Variants in PHACTR2 observed in about 807,000 individuals in gnomAD.
The protein encoded by PHACTR2 is phosphatase and actin regulator 2.
PHACTR2 carries 30 observed loss-of-function variants against 76.0 expected under a neutral mutation model. The ratio of observed to expected loss-of-function variants is 0.39; its 90% CI spans 0.30 to 0.54. The LOEUF is 0.54. Ranked by LOEUF, PHACTR2 falls within the 20% of genes least tolerant of loss-of-function variation. The pLI is 0.61. For missense variants in PHACTR2, 696 were observed against 781.1 expected (o/e 0.89, Z 1.30); for synonymous variants, 292 against 292.5 (o/e 1.00, Z 0.02).
chr6:143,542,512 C>G (rs767705524), intron 1 of PHACTR2, among the ~76,000 whole-genome samples: 1 of 152,148 alleles, frequency 6.6e-6, no homozygotes, highest in Non-Finnish European at 1.5e-5. Flanking sequence ...CTTTCTCTAG[C>G]CCTTTCCTAG....
chr6:143,733,373 A>C lies in PHACTR2; in HGVS notation c.215-15612A>C, dbSNP rs1778748610. Among the ~76,000 whole-genome samples, 1 of 152,224 alleles carries C rather than the reference A, an allele frequency of 6.6e-6. No individual in the cohort carries two copies. The highest frequency in any genetic ancestry group is 1.5e-5 in the Non-Finnish European group (1 of 68,032). On this transcript the variant is annotated intron_variant, in intron 2 of 12. Coordinates refer to ENST00000440869, the MANE Select transcript of PHACTR2 (RefSeq NM_001100164.2). The surrounding 1 kb of genome is among the most constrained non-coding windows in gnomAD (Gnocchi z 4.0). ...TTGGTGAGATCTCAAAGAAACTTGT[A>C]TAGTGCCTGGCTTATGTTAAACATT...
At chr6:143,563,227 A>G (rs1250038681) in intron 1 of PHACTR2, among the ~76,000 whole-genome samples, 1 of 152,178 alleles carries the variant, frequency 6.6e-6, no homozygotes, top group African/African-American at 2.4e-5. Flanking sequence ...AGAGTAGTTC[A>G]AAAGTATGTA....
At chr6:143,603,752 G>C (rs1395237336), upstream of PHACTR2, among the ~76,000 whole-genome samples, 1 of 152,166 alleles carries the variant, frequency 6.6e-6, no homozygotes, top group Non-Finnish European at 1.5e-5. Context: ...CATTTTGCTT[G>C]TCAAAACTAT....
At chr6:143,594,295 C>A (rs1388362461) in intron 1 of PHACTR2, among the ~76,000 whole-genome samples, 1 of 152,164 alleles carries the variant, frequency 6.6e-6, no homozygotes, top group Non-Finnish European at 1.5e-5. Context: ...GACAGTCGAC[C>A]TGTACTATGA....
At chr6:143,790,568 C>T (rs777020958) in intron 11 of PHACTR2, among the ~76,000 whole-genome samples, 23 of 152,114 alleles carry the variant, frequency 1.5e-4, no homozygotes, top group Non-Finnish European at 3.2e-4. Context: ...ACCACTCCAC[C>T]GAAGTGCCTT....
rs1776079745 is a variant in PHACTR2, at chr6:143,806,999, C to T, written c.1846-58C>T. The T allele has an allele frequency of 2.3e-6, 2 of 877,788 alleles. No individual in the cohort carries two copies. The highest frequency in any genetic ancestry group is 3.7e-6 in the Non-Finnish European group (2 of 539,802). 54.4% of individuals were successfully genotyped at this position (877,788 alleles called of 1,614,324 possible). On this transcript the variant is annotated intron_variant, in intron 11 of 12. Transcript: ENST00000440869. This position sits in a 1 kb window ranked among gnomAD's most constrained non-coding sequence, Gnocchi z 5.8. ...GTCTGCTTCATTGATGCTGTATATA[C>T]TGGGGCAATATATGACCTAAATAAC...
chr6:143,674,920 C>T (rs1777214301), upstream of PHACTR2, among the ~76,000 whole-genome samples: 1 of 152,224 alleles, frequency 6.6e-6, no homozygotes, highest in South Asian at 2.1e-4. The surrounding 1 kb of genome is among the most constrained non-coding windows in gnomAD (Gnocchi z 4.9). Context: ...AACTTTCTCA[C>T]AAATGGTCCA....
At chr6:143,559,690 CTTTTTTTTTTTTTTTTTTTT>C (rs5880566) in intron 1 of PHACTR2, among the ~76,000 whole-genome samples, 5 of 31,904 alleles carry the variant, frequency 1.6e-4, no homozygotes, top group South Asian at 1.7e-3. Context: ...TTTTTCTTTT[CTTTTTTTTTTTTTTTTTTTT>C]TTTTTTTTTT....
Position 143,765,179 on chromosome 6 carries a change from T to G in PHACTR2, c.695-82T>G, listed in dbSNP as rs1562298102. ...ACTTTAAAGGGAACATTTTAAATGTTGTTGACAGTTACACCTTGGTTACTT... is the reference window on the plus strand; with the variant it reads ...ACTTTAAAGGGAACATTTTAAATGTGGTTGACAGTTACACCTTGGTTACTT... On this transcript the variant is annotated intron_variant, in intron 5 of 12. Coordinates refer to ENST00000440869, the MANE Select transcript of PHACTR2 (RefSeq NM_001100164.2). This position sits in a 1 kb window ranked among gnomAD's most constrained non-coding sequence, Gnocchi z 4.1. 9.6e-7 allele frequency: 1 copy of G among 1,043,420 alleles called. No individual in the cohort carries two copies. Among genetic ancestry groups the G allele is most frequent in the East Asian group, 2.4e-5 (1 of 41,966 alleles). 64.6% of individuals were successfully genotyped at this position (1,043,420 alleles called of 1,614,324 possible). A position where few individuals can be genotyped will look rare whatever the true frequency, so the allele number is the denominator to read the frequency against.
chr6:143,659,083 G>C lies in PHACTR2; in HGVS notation c.13+50761G>C, dbSNP rs1461955839. Among the ~76,000 whole-genome samples the C allele has an allele frequency of 6.6e-6, 1 of 151,978 alleles. No homozygotes were observed. Among genetic ancestry groups the C allele is most frequent in the East Asian group, 1.9e-4 (1 of 5,194 alleles). ...CTATAGGACACTTACCATGAATGGAGCTTGCAGGACTGGAGGTTGCCCTAG... is the reference window on the plus strand; with the variant it reads ...CTATAGGACACTTACCATGAATGGACCTTGCAGGACTGGAGGTTGCCCTAG... On this transcript the variant is annotated intron_variant, in intron 1 of 11. Transcript: ENST00000305766. The surrounding 1 kb of genome is among the most constrained non-coding windows in gnomAD (Gnocchi z 5.0).
intron 2 of PHACTR2, among the ~76,000 whole-genome samples, chr6:143,713,950 T>C (rs991151824): frequency 6.6e-6 from 1 of 152,200 alleles, no homozygotes; most frequent in South Asian, 2.1e-4. Flanking sequence ...TATCATACAT[T>C]AGTTTTTTTC....
At chr6:143,726,334 G>A (rs1335767941) in intron 2 of PHACTR2, among the ~76,000 whole-genome samples, 1 of 152,160 alleles carries the variant, frequency 6.6e-6, no homozygotes, top group Non-Finnish European at 1.5e-5. Flanking sequence ...TAAACGTGCA[G>A]CTCAGTAGTG....
chr6:143,718,784 AT>A (rs1294044311), intron 2 of PHACTR2, among the ~76,000 whole-genome samples: 4 of 150,962 alleles, frequency 2.6e-5, no homozygotes, highest in African/African-American at 7.3e-5. Flanking sequence ...TTAAGGTGAT[AT>A]TTGTTAAGGA....
At chr6:143,649,593 C>A (rs185308814) in intron 1 of PHACTR2, among the ~76,000 whole-genome samples, 2,353 of 152,238 alleles carry the variant, frequency 0.015, 34 homozygotes, top group Non-Finnish European at 0.022. Context: ...GACAAAAAAA[C>A]CACATGATTA....
chr6:143,629,409 G>C (rs1323126347), intron 1 of PHACTR2, among the ~76,000 whole-genome samples: 2 of 152,078 alleles, frequency 1.3e-5, no homozygotes, highest in Non-Finnish European at 2.9e-5. Context: ...CATTGGACAA[G>C]GAATTAGCTA....
chr6:143,703,629 G>T (rs1367532329), intron 1 of PHACTR2, among the ~76,000 whole-genome samples: 1 of 151,934 alleles, frequency 6.6e-6, no homozygotes, highest in African/African-American at 2.4e-5. Context: ...CTTACATTCT[G>T]TTCTTTTACT....
intron 11 of PHACTR2, among the ~76,000 whole-genome samples, chr6:143,799,149 C>A (rs1213771939): frequency 1.3e-5 from 2 of 152,136 alleles, no homozygotes; most frequent in Non-Finnish European, 2.9e-5. Flanking sequence ...TCCATTTCTT[C>A]TAGATTTTCT....
chr6:143,664,471 A>G lies in PHACTR2; in HGVS notation c.14-47545A>G, dbSNP rs902576047. ...ATCTTTTTAAGCATGCTCTTCTTCA[A>G]TTTTCTTTCATTTTCTCATTATTTG... On this transcript the variant is annotated intron_variant, in intron 1 of 11. Transcript: ENST00000305766. This position sits in a 1 kb window ranked among gnomAD's most constrained non-coding sequence, Gnocchi z 5.1. Among the ~76,000 whole-genome samples the G allele has an allele frequency of 2.0e-5, 3 of 151,770 alleles. No individual in the cohort carries two copies. Among genetic ancestry groups the G allele is most frequent in the Non-Finnish European group, 4.4e-5 (3 of 67,936 alleles).
At chr6:143,728,200 C>CTTTTTTTTTTCTTTTTTTTTTT (rs1778618287) in intron 2 of PHACTR2, among the ~76,000 whole-genome samples, 1 of 131,380 alleles carries the variant, frequency 7.6e-6, no homozygotes, top group African/African-American at 2.9e-5. Flanking sequence ...TCTTTCTTTC[C>CTTTTTTTTTTCTTTTTTTTTTT]TTTTTTTTTT....
Sources: allele counts gnomAD v4.1 joint callset (sites outside exome capture counted in the v4.1 genomes callset), GRCh38; gene constraint gnomAD v4.1.1; non-coding constraint Gnocchi (gnomAD v3.1); transcripts MANE v1.5; gene names NCBI Gene and HGNC (gene_info 2026-07-23, HGNC 2026-07-21).